RNF150: variants seen among roughly 807,000 people sequenced by gnomAD.
RNF150 encodes the protein ring finger protein 150.
In RNF150, 24 loss-of-function variants were observed where a neutral mutation model predicts 39.3. The ratio of observed to expected loss-of-function variants is 0.61; its 90% CI spans 0.44 to 0.86. The LOEUF is 0.86. Among genes scored for constraint, RNF150 ranks in the 40% least tolerant of loss-of-function variants. The pLI is 0.00. For missense variants in RNF150, 502 were observed against 587.8 expected (o/e 0.85, Z 1.51); for synonymous variants, 255 against 227.3 (o/e 1.12, Z -1.10).
rs11946090 is a variant in RNF150 at position 141,155,117 on chromosome 4, G to A, written c.-6+57677C>T. On this transcript the variant is annotated intron_variant, in intron 1 of 7. Transcript: ENST00000420921. The stretch of plus-strand genomic sequence containing the variant: ...TTATTTTATTTTGAGACAGAGTCAT[G>A]CCCTGTCACCCAGACTGGAGTGCAG... Among the ~76,000 whole-genome samples the A allele has an allele frequency of 7.8e-3, 1,182 of 152,212 alleles. 17 individuals are homozygous for A. Among genetic ancestry groups the A allele is most frequent in the African/African-American group, 0.027 (1,102 of 41,546 alleles).
chr4:141,162,712 TC>T (rs1327564708), intron 1 of RNF150, among the ~76,000 whole-genome samples: 3 of 152,048 alleles, frequency 2.0e-5, no homozygotes, highest in Non-Finnish European at 4.4e-5. Context: ...GTCAAGGAAC[TC>T]CATTTCCTAG....
intron 1 of RNF150, among the ~76,000 whole-genome samples, chr4:141,184,790 G>A (rs1489955211): frequency 6.6e-6 from 1 of 151,906 alleles, no homozygotes; most frequent in Non-Finnish European, 1.5e-5. Flanking sequence ...TTTTTGTCAT[G>A]TTTGTCTAAG....
intron 1 of RNF150, among the ~76,000 whole-genome samples, chr4:141,050,940 C>G (rs1736754428): frequency 6.6e-6 from 1 of 152,184 alleles, no homozygotes. Context: ...ACTGCCCTAG[C>G]CGAGGTTCTC....
In RNF150 at chr4:140,862,800, C is replaced by T. The variant is rs375831011; in HGVS notation, c.*5461G>A. On this transcript the variant is annotated 3_prime_UTR_variant, in exon 7 of 7. Coordinates refer to ENST00000515673, the MANE Select transcript of RNF150 (RefSeq NM_020724.2). ...AAACTCCCCAAAACCCAGGTCAGCT[C>T]TAAACCTAGGGATGAGCATTTACTT... is the stretch of plus-strand genomic sequence containing the variant. The T allele has an allele frequency of 6.6e-6, 1 of 152,164 alleles. No homozygotes were observed. The highest frequency in any genetic ancestry group is 2.4e-5 in the African/African-American group (1 of 41,444). 9.4% of individuals were successfully genotyped at this position (152,164 alleles called of 1,614,324 possible). A position where few individuals can be genotyped will look rare whatever the true frequency, so the allele number is the denominator to read the frequency against.
intron 5 of RNF150, among the ~76,000 whole-genome samples, chr4:140,922,970 C>T (rs1463789877): frequency 6.6e-6 from 1 of 150,802 alleles, no homozygotes; most frequent in Admixed American, 6.6e-5. Context: ...AAAATTAATT[C>T]AAGATGGATT....
intron 1 of RNF150, among the ~76,000 whole-genome samples, chr4:140,974,713 T>G (rs1733598773): frequency 6.6e-6 from 1 of 152,198 alleles, no homozygotes; most frequent in Non-Finnish European, 1.5e-5. Context: ...ACAAAGGTAT[T>G]GCATTGTGTC....
At chr4:140,886,190 C>CAAAAAAAA (rs1171164182) in intron 6 of RNF150, among the ~76,000 whole-genome samples, 135 of 72,986 alleles carry the variant, frequency 1.8e-3, no homozygotes, top group Middle Eastern at 0.011. Context: ...GACTCCATCA[C>CAAAAAAAA]AAAAAAAAAA....
intron 1 of RNF150, among the ~76,000 whole-genome samples, chr4:141,166,021 T>G (rs1727596354): frequency 6.6e-6 from 1 of 151,998 alleles, no homozygotes; most frequent in African/African-American, 2.4e-5. Flanking sequence ...GCTAGTTTTT[T>G]GAAAAGATTA....
intron 5 of RNF150, among the ~76,000 whole-genome samples, chr4:140,916,225 C>T (rs1192792819): frequency 6.6e-6 from 1 of 152,134 alleles, no homozygotes; most frequent in Non-Finnish European, 1.5e-5. Context: ...GAGAGGAAGG[C>T]TTCAGAAGAT....
At chr4:141,043,794 A>G (rs544309616) in intron 1 of RNF150, among the ~76,000 whole-genome samples, 1 of 152,160 alleles carries the variant, frequency 6.6e-6, no homozygotes, top group African/African-American at 2.4e-5. Flanking sequence ...ATCCTACAAG[A>G]GAAAATTTTT....
At chr4:140,911,771 T>G (rs1213768510) in intron 5 of RNF150, among the ~76,000 whole-genome samples, 1 of 152,162 alleles carries the variant, frequency 6.6e-6, no homozygotes, top group South Asian at 2.1e-4. Flanking sequence ...TCATGTGTTG[T>G]TTACAAATAT....
intron 1 of RNF150, among the ~76,000 whole-genome samples, chr4:140,977,617 T>G (rs561313446): frequency 6.6e-5 from 10 of 152,282 alleles, no homozygotes. Context: ...AACCAGGTAG[T>G]GACACACACA....
intron 5 of RNF150, among the ~76,000 whole-genome samples, chr4:140,912,979 A>C (rs1338342697): frequency 2.0e-5 from 3 of 151,004 alleles, no homozygotes; most frequent in Admixed American, 1.3e-4. Context: ...AAAAAAAAAA[A>C]AAAAACACCA....
At chr4:140,925,675 T>C (rs2111320693) in intron 5 of RNF150, among the ~76,000 whole-genome samples, 1 of 152,270 alleles carries the variant, frequency 6.6e-6, no homozygotes, top group African/African-American at 2.4e-5. Context: ...GGGGTGTATC[T>C]GCTGCCGTCC....
At chr4:141,162,682 C>A (rs1274943636) in intron 1 of RNF150, among the ~76,000 whole-genome samples, 2 of 151,958 alleles carry the variant, frequency 1.3e-5, no homozygotes, top group African/African-American at 4.8e-5. Context: ...GGGGTGTTGC[C>A]TCACCCAGAA....
At chr4:141,088,973 T>C (rs1279130405) in intron 1 of RNF150, among the ~76,000 whole-genome samples, 1 of 152,156 alleles carries the variant, frequency 6.6e-6, no homozygotes, top group African/African-American at 2.4e-5. Flanking sequence ...TTTTACATAA[T>C]TGCTAACAAA....
chr4:141,132,565 G>C lies in RNF150; in HGVS notation c.244C>G (p.Pro82Ala), dbSNP rs1222141171. The change falls in exon 1 of 7, where the codon CCC (proline) becomes GCC (alanine). Residue 82 changes from proline to alanine, a missense_variant. By Grantham distance (27) the Pro-to-Ala change is conservative. Coordinates refer to ENST00000515673, the MANE Select transcript of RNF150 (RefSeq NM_020724.2). The surrounding 1 kb of genome is among the most constrained non-coding windows in gnomAD (Gnocchi z 4.9). ...ACCTCCCCGCGGGCGTCCTGCTTGG[G>C]CGAGTGCTCTCCGTAGCGCCCGCAC... The part of the protein sequence containing the change: ...TECGRYGEHS[P>A]KQDARGEVVM... 2 of 1,588,746 alleles carry C rather than the reference G, an allele frequency of 1.3e-6. No individual in the cohort carries two copies. The highest frequency in any genetic ancestry group is 1.7e-6 in the Non-Finnish European group (2 of 1,168,442).
chr4:141,089,044 C>T lies in RNF150; in HGVS notation c.484+43281G>A, dbSNP rs138393391. Among the ~76,000 whole-genome samples, 1,485 of 152,234 alleles carry T rather than the reference C, an allele frequency of 9.8e-3. 10 individuals carry two copies. The highest frequency in any genetic ancestry group is 0.017 in the Non-Finnish European group (1,140 of 68,000). The stretch of plus-strand genomic sequence containing the variant: ...ACCTAACCTCTTTGAAGATTGGTCT[C>T]TAGGAAGGCAATGTCCAGTGAGGTG... On this transcript the variant is annotated intron_variant, in intron 1 of 6. Transcript: ENST00000515673.
intron 4 of RNF150, among the ~76,000 whole-genome samples, chr4:140,929,272 T>A (rs554501924): frequency 6.6e-6 from 1 of 151,628 alleles, no homozygotes; most frequent in African/African-American, 2.4e-5. Context: ...GAGTCTCTGA[T>A]CCACAGACAC....
Sources: gnomAD v4.1 joint callset for allele counts (sites outside exome capture counted in the v4.1 genomes callset) on GRCh38, gnomAD v4.1.1 for gene constraint, Gnocchi (gnomAD v3.1) non-coding constraint, MANE v1.5 for transcripts, NCBI Gene and HGNC (gene_info 2026-07-23, HGNC 2026-07-21) for gene names.